The following RAB22A variants were observed in gnomAD, a reference collection of about 807,000 sequenced individuals.
RAB22A encodes RAB22A, member RAS oncogene family, also known as ras-related protein Rab-22A.
RAB22A carries 13 observed loss-of-function variants against 30.2 expected under a neutral mutation model. That is an observed-to-expected ratio of 0.43 (90% CI 0.28 to 0.68). RAB22A has a LOEUF of 0.68. Ranked by LOEUF, RAB22A falls within the 30% of genes least tolerant of loss-of-function variation. The pLI is 0.18. For missense variants in RAB22A, 177 were observed against 246.8 expected (o/e 0.72, Z 1.89); for synonymous variants, 89 against 87.2 (o/e 1.02, Z -0.11).
intron 2 of RAB22A, among the ~76,000 whole-genome samples, chr20:58,317,287 G>A (rs1986361178): frequency 6.6e-6 from 1 of 151,656 alleles, no homozygotes; most frequent in Admixed American, 6.6e-5. Flanking sequence ...AGTTGAGATG[G>A]GGTTTCACCA....
Position 58,311,084 on chromosome 20 carries a change from G to T in RAB22A, c.78G>T (p.Val26=). 6.2e-7 allele frequency: 1 copy of T among 1,606,304 alleles called. No homozygotes were observed. ...AATCGAGTATTGTGTGGCGGTTTGT[G>T]GAAGACAGTTTTGATCCAAACATCA... ...VGKSSIVWRF[V]EDSFDPNINP... The change falls in exon 2 of 7, where the codon GTG becomes GTT. Residue 26 remains valine, a synonymous_variant. Transcript: ENST00000244040.
chr20:58,310,746 T>G (rs964737420), intron 1 of RAB22A, among the ~76,000 whole-genome samples: 1 of 152,210 alleles, frequency 6.6e-6, no homozygotes, highest in African/African-American at 2.4e-5. Flanking sequence ...GTTCAAAGTT[T>G]ACTAACATAT....
At chr20:58,322,601 GT>G in intron 2 of RAB22A, among the ~76,000 whole-genome samples, 1 of 151,938 alleles carries the variant, frequency 6.6e-6, no homozygotes, top group East Asian at 1.9e-4. Flanking sequence ...TTACCTCTTT[GT>G]TTTTATTATT....
intron 2 of RAB22A, among the ~76,000 whole-genome samples, chr20:58,331,853 G>A (rs1011062910): frequency 6.6e-6 from 1 of 152,050 alleles, no homozygotes; most frequent in Non-Finnish European, 1.5e-5. Context: ...CCTTTCTCTA[G>A]TGACTCCAGG....
intron 2 of RAB22A, among the ~76,000 whole-genome samples, chr20:58,327,184 A>G (rs1025865608): frequency 6.6e-6 from 1 of 152,204 alleles, no homozygotes; most frequent in Non-Finnish European, 1.5e-5. Flanking sequence ...TTTTGCATCT[A>G]TTTAGATTAT....
intron 2 of RAB22A, among the ~76,000 whole-genome samples, chr20:58,328,341 A>G (rs982867570): frequency 4.6e-5 from 7 of 151,780 alleles, no homozygotes; most frequent in African/African-American, 1.7e-4. Flanking sequence ...ACCAACACAC[A>G]TGGCTAAATT....
chr20:58,342,203 GATAC>G (rs1986866739), intron 2 of RAB22A, among the ~76,000 whole-genome samples: 1 of 152,146 alleles, frequency 6.6e-6, no homozygotes, highest in African/African-American at 2.4e-5. Context: ...AAAAGTTCTT[GATAC>G]AATAACCATT....
chr20:58,332,764 G>A (rs564347460), intron 2 of RAB22A, among the ~76,000 whole-genome samples: 3 of 152,062 alleles, frequency 2.0e-5, no homozygotes, highest in Admixed American at 6.5e-5. Flanking sequence ...CTGCAAACTC[G>A]TCAGGATAAA....
intron 2 of RAB22A, among the ~76,000 whole-genome samples, chr20:58,325,109 G>A (rs953136230): frequency 3.3e-5 from 5 of 149,830 alleles, no homozygotes; most frequent in East Asian, 2.0e-4. Flanking sequence ...CCTGGGAGTC[G>A]GAGGTTGCAG....
chr20:58,319,595 G>A (rs534750129), intron 2 of RAB22A, among the ~76,000 whole-genome samples: 1 of 152,310 alleles, frequency 6.6e-6, no homozygotes, highest in Non-Finnish European at 1.5e-5. Flanking sequence ...AAAAGAGCCA[G>A]GTGAGATCTT....
chr20:58,332,046 A>G (rs1478105358), intron 2 of RAB22A, among the ~76,000 whole-genome samples: 6 of 152,198 alleles, frequency 3.9e-5, no homozygotes, highest in African/African-American at 1.4e-4. Context: ...AGTAATGATA[A>G]CGATGGGCAT....
At chr20:58,359,517 T>G in intron 6 of RAB22A, 89 bp from the exon 7 acceptor site, 1 of 640,832 alleles carries the variant, frequency 1.6e-6, no homozygotes. Context: ...TTTTTTTACT[T>G]CAGTGAAACC....
Position 58,360,061 on chromosome 20 carries a change from A to G in RAB22A, c.*358A>G, listed in dbSNP as rs1479758022. On this transcript the variant is annotated 3_prime_UTR_variant, in exon 7 of 7. Coordinates refer to ENST00000244040, the MANE Select transcript of RAB22A (RefSeq NM_020673.3). ...GAAAATTAGCACTTTTGTGGTTCTT[A>G]AGGGAAAAGAAACAGACCTTGTGGA... 6.4e-6 allele frequency: 1 copy of G among 156,342 alleles called. No individual in the cohort carries two copies. The highest frequency in any genetic ancestry group is 2.4e-5 in the African/African-American group (1 of 41,530). The allele number at this position is 156,342 out of a possible 1,614,324, so 9.7% of individuals were successfully genotyped here.
intron 3 of RAB22A, among the ~76,000 whole-genome samples, chr20:58,346,679 T>A (rs1986955712): frequency 6.6e-6 from 1 of 152,182 alleles, no homozygotes; most frequent in South Asian, 2.1e-4. Flanking sequence ...ATTGACAGAA[T>A]CTCCCATCAG....
Position 58,334,176 on chromosome 20 carries a change from C to T in RAB22A, c.117-9542C>T, listed in dbSNP as rs1467325602. On this transcript the variant is annotated intron_variant, in intron 2 of 6. Coordinates refer to ENST00000244040, the MANE Select transcript of RAB22A (RefSeq NM_020673.3). ...TGAAACCGCGTCTCTACTAAAAACA[C>T]AAAAAAACATTAGCTGGGTGTGGTG... is the stretch of plus-strand genomic sequence containing the variant. Among the ~76,000 whole-genome samples, 3 of 151,776 alleles carry T rather than the reference C, an allele frequency of 2.0e-5. No homozygotes were observed. The East Asian group carries it at 5.8e-4, about 29-fold the overall frequency.
At chr20:58,346,724 G>A (rs1163120270) in intron 3 of RAB22A, among the ~76,000 whole-genome samples, 1 of 152,210 alleles carries the variant, frequency 6.6e-6, no homozygotes, top group Non-Finnish European at 1.5e-5. Flanking sequence ...ACAGTGTCTT[G>A]TTCACTGCTG....
In RAB22A at chr20:58,311,248, C is replaced by A. The variant is rs1005130930; in HGVS notation, c.116+126C>A. 1.5e-5 allele frequency: 13 copies of A among 896,022 alleles called. No individual in the cohort carries two copies. The African/African-American group carries it at 1.8e-4, about 13-fold the overall frequency. The allele number at this position is 896,022 out of a possible 1,614,324, so 55.5% of individuals were successfully genotyped here. The stretch of plus-strand genomic sequence containing the variant: ...ATTCTGAGTCGCTGGTTCGCATCAT[C>A]TCTGGAAGGACTTGAAAGAGTCCAG... On this transcript the variant is annotated intron_variant, in intron 2 of 6. Coordinates refer to ENST00000244040, the MANE Select transcript of RAB22A (RefSeq NM_020673.3).
intron 2 of RAB22A, among the ~76,000 whole-genome samples, chr20:58,332,262 C>G (rs536143869): frequency 6.6e-6 from 1 of 152,128 alleles, no homozygotes; most frequent in Non-Finnish European, 1.5e-5. Flanking sequence ...AGAAGAGAGC[C>G]GTAGCTGCTC....
intron 2 of RAB22A, among the ~76,000 whole-genome samples, chr20:58,313,362 G>T (rs1438388991): frequency 6.6e-6 from 1 of 151,990 alleles, no homozygotes; most frequent in Non-Finnish European, 1.5e-5. Flanking sequence ...TTAGAAGGTG[G>T]CTTCCTCCTT....
Sources: gnomAD v4.1 joint callset for allele counts (sites outside exome capture counted in the v4.1 genomes callset) on GRCh38, gnomAD v4.1.1 for gene constraint, MANE v1.5 for transcripts, NCBI Gene and HGNC (gene_info 2026-07-23, HGNC 2026-07-21) for gene names.